The following ERBB4 variants were observed in gnomAD, a reference collection of about 807,000 sequenced individuals.
ERBB4 encodes the protein receptor tyrosine-protein kinase erbB-4.
A neutral mutation model predicts 158.0 loss-of-function variants in ERBB4; 42 were observed. The ratio of observed to expected loss-of-function variants is 0.27; its 90% CI spans 0.21 to 0.34. The LOEUF (loss-of-function observed/expected upper bound fraction) is 0.34. ERBB4 is among the 10% of genes least tolerant of loss of function. ERBB4 has a pLI of 1.00. For missense variants in ERBB4, 1,333 were observed against 1,624.1 expected, an observed-to-expected ratio of 0.82 and a Z score of 3.08; for synonymous variants, 583 against 558.7, an observed-to-expected ratio of 1.04 and a Z score of -0.61.
At chr2:212,118,599 C>T (rs1167097456) in intron 2 of ERBB4, among the ~76,000 whole-genome samples, 2 of 151,928 alleles carry the variant, frequency 1.3e-5, no homozygotes, top group African/African-American at 2.4e-5. Flanking sequence ...GATGACAATT[C>T]CATAGCATTA....
chr2:211,705,307 T>TA lies in ERBB4; in HGVS notation c.1198+10dup, dbSNP rs747361314. The TA allele has an allele frequency of 1.3e-6, 2 of 1,587,380 alleles. No individual in the cohort carries two copies. The highest frequency in any genetic ancestry group is 2.2e-5 in the East Asian group (1 of 44,744). ...TGTTCATAGCGCAACAGTTGCAGTT[T>TA]AAAAAATTACCTGTTATCTCTCTGA... is the stretch of plus-strand genomic sequence containing the variant. On this transcript the variant is annotated intron_variant, in intron 10 of 27. Coordinates refer to ENST00000342788, the MANE Select transcript of ERBB4 (RefSeq NM_005235.3).
chr2:211,979,891 C>T (rs563091308), intron 2 of ERBB4, among the ~76,000 whole-genome samples: 1 of 152,260 alleles, frequency 6.6e-6, no homozygotes, highest in Non-Finnish European at 1.5e-5. Context: ...CCATTATGAA[C>T]TCACCACATA....
chr2:211,997,321 T>C (rs1398853887), intron 2 of ERBB4, among the ~76,000 whole-genome samples: 1 of 152,062 alleles, frequency 6.6e-6, no homozygotes, highest in Non-Finnish European at 1.5e-5. Context: ...CTCTTAAACA[T>C]TCTCTAAACC....
chr2:211,917,986 G>T (rs925684135), intron 3 of ERBB4, among the ~76,000 whole-genome samples: 2 of 152,282 alleles, frequency 1.3e-5, no homozygotes, highest in Admixed American at 6.5e-5. Context: ...AAGCTCTTGT[G>T]AGAATGGAGA....
chr2:212,231,069 A>C (rs2083648888), intron 1 of ERBB4, among the ~76,000 whole-genome samples: 1 of 151,890 alleles, frequency 6.6e-6, no homozygotes, highest in African/African-American at 2.4e-5. Context: ...GTAGATATGA[A>C]CAATGCCAGA....
At chr2:212,474,819 A>ATTTTTTTTTTTTTTT (rs1295029698) in intron 1 of ERBB4, among the ~76,000 whole-genome samples, 101 of 71,980 alleles carry the variant, frequency 1.4e-3, no homozygotes, top group Non-Finnish European at 2.1e-3. Context: ...ACACCCGGCC[A>ATTTTTTTTTTTTTTT]TTCTTTTTTT....
chr2:211,547,775 A>G (rs138417407), intron 20 of ERBB4, among the ~76,000 whole-genome samples: 271 of 152,196 alleles, frequency 1.8e-3, no homozygotes, highest in African/African-American at 6.2e-3. Context: ...AAAAAAAAGT[A>G]CCGTAAAAGT....
At chr2:211,743,575 A>C (rs2074865275) in intron 5 of ERBB4, among the ~76,000 whole-genome samples, 6 of 152,136 alleles carry the variant, frequency 3.9e-5, no homozygotes, top group Admixed American at 3.9e-4. Flanking sequence ...TTATTTCTTA[A>C]ACCTTAGTCT....
intron 1 of ERBB4, among the ~76,000 whole-genome samples, chr2:212,384,656 C>A (rs1387817555): frequency 6.6e-6 from 1 of 151,424 alleles, no homozygotes; most frequent in East Asian, 1.9e-4. Flanking sequence ...AAAAAATTAA[C>A]CATGTTTAGC....
intron 2 of ERBB4, among the ~76,000 whole-genome samples, chr2:212,091,761 T>A (rs1419758262): frequency 6.6e-6 from 1 of 152,216 alleles, no homozygotes; most frequent in Admixed American, 6.6e-5. Flanking sequence ...ATAAGTGATT[T>A]TTTAAAATTA....
intron 15 of ERBB4, among the ~76,000 whole-genome samples, chr2:211,663,184 C>T (rs973136927): frequency 2.0e-5 from 3 of 152,168 alleles, no homozygotes; most frequent in African/African-American, 7.2e-5. Context: ...ATTTAGGAAT[C>T]ACATCCTTCA....
chr2:211,868,038 GAT>G (rs2078252342), intron 3 of ERBB4, among the ~76,000 whole-genome samples: 1 of 152,204 alleles, frequency 6.6e-6, no homozygotes, highest in African/African-American at 2.4e-5. Flanking sequence ...ATTCTACTAT[GAT>G]ATCCAAGACT....
intron 1 of ERBB4, among the ~76,000 whole-genome samples, chr2:212,488,202 C>T (rs924822456): frequency 9.2e-5 from 14 of 152,044 alleles, no homozygotes; most frequent in African/African-American, 3.1e-4. Flanking sequence ...CCTTTTATCC[C>T]TTTGAATGTG....
At chr2:211,629,606 A>C (rs1375594312) in intron 17 of ERBB4, among the ~76,000 whole-genome samples, 1 of 152,224 alleles carries the variant, frequency 6.6e-6, no homozygotes, top group African/African-American at 2.4e-5. Flanking sequence ...CTAAGCTAAA[A>C]GAACAAAGCT....
chr2:211,560,660 G>A (rs75833183), intron 20 of ERBB4, among the ~76,000 whole-genome samples: 1,887 of 152,132 alleles, frequency 0.012, 46 homozygotes, highest in African/African-American at 0.043. Context: ...AATTATAGAA[G>A]TTCTTAGATA....
intron 2 of ERBB4, among the ~76,000 whole-genome samples, chr2:211,956,681 A>C (rs2081044102): frequency 6.6e-6 from 1 of 152,146 alleles, no homozygotes; most frequent in African/African-American, 2.4e-5. Context: ...TATTTTGTAT[A>C]AGTTTAGGAA....
chr2:211,658,100 A>G, intron 15 of ERBB4: 1 of 761,724 alleles, frequency 1.3e-6, no homozygotes. Flanking sequence ...CTATTAGACT[A>G]TTTTGGAACA....
chr2:211,925,201 A>G (rs1300641466), intron 3 of ERBB4, among the ~76,000 whole-genome samples: 1 of 152,158 alleles, frequency 6.6e-6, no homozygotes, highest in Non-Finnish European at 1.5e-5. Flanking sequence ...CTTTTTCTTT[A>G]TAAGAACTGC....
chr2:211,522,249 T>C lies in ERBB4; in HGVS notation c.2487+39654A>G, dbSNP rs181086566. Among the ~76,000 whole-genome samples the C allele has an allele frequency of 4.9e-3, 747 of 152,290 alleles. 13 individuals carry two copies. The highest frequency in any genetic ancestry group is 0.017 in the African/African-American group (703 of 41,584). On this transcript the variant is annotated intron_variant, in intron 20 of 27. Coordinates refer to ENST00000342788, the MANE Select transcript of ERBB4 (RefSeq NM_005235.3). ...CAAAAGAGCAACATTAACAGGACTT[T>C]GGAAGAAATTGATTCCAACTCTCAT...
Sources: gnomAD v4.1 joint callset for allele counts (sites outside exome capture counted in the v4.1 genomes callset) on GRCh38, gnomAD v4.1.1 for gene constraint, MANE v1.5 for transcripts, NCBI Gene and HGNC (gene_info 2026-07-23, HGNC 2026-07-21) for gene names.